Variants in KCNC2 observed in about 807,000 individuals in gnomAD.
KCNC2 encodes the protein potassium voltage-gated channel subfamily C member 2, also known as voltage-gated potassium channel KCNC2.
KCNC2 carries 21 observed loss-of-function variants against 44.5 expected under a neutral mutation model. The ratio of observed to expected loss-of-function variants is 0.47; its 90% CI spans 0.33 to 0.68. KCNC2 has a LOEUF of 0.68. KCNC2 is among the 30% of genes least tolerant of loss of function. KCNC2 has a pLI of 0.01. For missense variants in KCNC2, 589 were observed against 826.2 expected, an observed-to-expected ratio of 0.71 and a Z score of 3.52; for synonymous variants, 391 against 339.1, an observed-to-expected ratio of 1.15 and a Z score of -1.68.
At chr12:75,045,795 A>C (rs556342036) in intron 4 of KCNC2, among the ~76,000 whole-genome samples, 32 of 151,906 alleles carry the variant, frequency 2.1e-4, no homozygotes, top group African/African-American at 7.7e-4. Context: ...GTGAATCCTT[A>C]AAGTTTTCTT....
chr12:75,145,674 G>A (rs1179966362), intron 2 of KCNC2, among the ~76,000 whole-genome samples: 1 of 152,036 alleles, frequency 6.6e-6, no homozygotes, highest in Non-Finnish European at 1.5e-5. Context: ...CAGTGTCAAG[G>A]ATAGTAGAAA....
chr12:75,048,639 C>T (rs1159293930), intron 3 of KCNC2, among the ~76,000 whole-genome samples: 1 of 152,062 alleles, frequency 6.6e-6, no homozygotes, highest in African/African-American at 2.4e-5. Flanking sequence ...TATTGTCTTA[C>T]AATTTTTGAC....
At chr12:75,048,371 A>C in intron 3 of KCNC2, 54 bp from the exon 4 acceptor site, 1 of 1,475,576 alleles carries the variant, frequency 6.8e-7, no homozygotes, top group South Asian at 1.3e-5. Context: ...GAAATGAGAC[A>C]GTACAAAGAG....
In KCNC2 at chr12:75,041,329, T is replaced by C. The variant is rs1879879156; in HGVS notation, c.*1776A>G. 3 of 1,488,796 alleles carry C rather than the reference T, an allele frequency of 2.0e-6. No individual in the cohort carries two copies. The highest frequency in any genetic ancestry group is 2.7e-6 in the Non-Finnish European group (3 of 1,121,642). 92.2% of individuals were successfully genotyped at this position (1,488,796 alleles called of 1,614,324 possible). Reference sequence around the variant, plus strand: ...TCACTGTGTCTCTAAATATCATATATGTATGTCTGGATAAATACATTGCTG... The same window carrying C: ...TCACTGTGTCTCTAAATATCATATACGTATGTCTGGATAAATACATTGCTG... On this transcript the variant is annotated 3_prime_UTR_variant, in exon 5 of 5. Transcript: ENST00000549446.
chr12:75,124,335 G>C (rs968737313), intron 2 of KCNC2, among the ~76,000 whole-genome samples: 1 of 152,280 alleles, frequency 6.6e-6, no homozygotes, highest in African/African-American at 2.4e-5. Flanking sequence ...CAGCTAACCA[G>C]CTGTTTAATA....
At chr12:75,143,603 C>G (rs1275213586) in intron 2 of KCNC2, among the ~76,000 whole-genome samples, 2 of 152,132 alleles carry the variant, frequency 1.3e-5, no homozygotes, top group African/African-American at 4.8e-5. Context: ...CTTGAGCTCT[C>G]CTTAACATTC....
At chr12:75,141,742 G>A (rs1160923880) in intron 2 of KCNC2, among the ~76,000 whole-genome samples, 1 of 152,148 alleles carries the variant, frequency 6.6e-6, no homozygotes, top group African/African-American at 2.4e-5. Flanking sequence ...GTGGTCCTGA[G>A]ACTGGGTTGA....
intron 2 of KCNC2, among the ~76,000 whole-genome samples, chr12:75,194,792 A>G (rs745691103): frequency 3.9e-5 from 6 of 152,212 alleles, no homozygotes; most frequent in Non-Finnish European, 5.9e-5. Context: ...CTGAAGAACC[A>G]TTCTATGGAA....
intron 2 of KCNC2, among the ~76,000 whole-genome samples, chr12:75,115,078 T>C (rs1390240357): frequency 6.6e-6 from 1 of 152,040 alleles, no homozygotes; most frequent in Non-Finnish European, 1.5e-5. Context: ...TTAGCCAGGA[T>C]GGTCTCGATC....
Position 75,042,251 on chromosome 12 carries a change from T to A in KCNC2, c.*854A>T. 6.9e-6 allele frequency: 11 copies of A among 1,595,192 alleles called. No individual in the cohort carries two copies. The highest frequency in any genetic ancestry group is 9.4e-6 in the Non-Finnish European group (11 of 1,172,392). ...CTAGAACCAAGCAGCAATTTCTGGC[T>A]AAACAATGCAAGCCTGGCTGGCAGT... On this transcript the variant is annotated 3_prime_UTR_variant, in exon 5 of 5. Coordinates refer to ENST00000549446, the MANE Select transcript of KCNC2 (RefSeq NM_139137.4).
At chr12:75,174,248 A>AT (rs1565663008) in intron 2 of KCNC2, among the ~76,000 whole-genome samples, 1 of 150,780 alleles carries the variant, frequency 6.6e-6, no homozygotes, top group Non-Finnish European at 1.5e-5. Flanking sequence ...TAAGTTTGTT[A>AT]TTTTTTTAAA....
chr12:75,081,195 A>G (rs1884471141), intron 2 of KCNC2, among the ~76,000 whole-genome samples: 1 of 152,094 alleles, frequency 6.6e-6, no homozygotes, highest in South Asian at 2.1e-4. Context: ...TTGGAACATT[A>G]TTCAAACTGA....
At chr12:75,198,708 C>T (rs1333649665) in intron 2 of KCNC2, among the ~76,000 whole-genome samples, 1 of 151,782 alleles carries the variant, frequency 6.6e-6, no homozygotes, top group Non-Finnish European at 1.5e-5. Flanking sequence ...TAGCAAATAG[C>T]ATTTAATCCT....
chr12:75,046,477 A>G (rs78405889), intron 4 of KCNC2, among the ~76,000 whole-genome samples: 1,556 of 151,924 alleles, frequency 0.01, 20 homozygotes, highest in African/African-American at 0.035. Context: ...TATAAATATT[A>G]CATGTGATAA....
Position 75,069,493 on chromosome 12 carries a change from T to G in KCNC2, c.688-18176A>C, listed in dbSNP as rs562239215. ...TTTCATCTCAAACATAGCATGCTGC[T>G]TCCATTGATTCATTCCGGCAGACTA... On this transcript the variant is annotated intron_variant, in intron 2 of 4. Coordinates refer to ENST00000549446, the MANE Select transcript of KCNC2 (RefSeq NM_139137.4). 1.1e-4 allele frequency among the ~76,000 whole-genome samples: 16 copies of G among 152,260 alleles called. 1 individual carries two copies. The South Asian group carries it at 2.9e-3, about 28-fold the overall frequency.
At chr12:75,110,934 T>A (rs1024102534) in intron 2 of KCNC2, among the ~76,000 whole-genome samples, 1 of 152,144 alleles carries the variant, frequency 6.6e-6, no homozygotes, top group Admixed American at 6.6e-5. Flanking sequence ...AATTTATGCA[T>A]CTTAAAAATA....
chr12:75,090,304 T>A (rs917225419), intron 2 of KCNC2, among the ~76,000 whole-genome samples: 2 of 151,674 alleles, frequency 1.3e-5, no homozygotes, highest in African/African-American at 2.4e-5. Context: ...CAAAATCATA[T>A]TTTTTTACTT....
At chr12:75,164,485 A>G (rs1377480867) in intron 2 of KCNC2, among the ~76,000 whole-genome samples, 1 of 151,640 alleles carries the variant, frequency 6.6e-6, no homozygotes, top group Non-Finnish European at 1.5e-5. Context: ...GAAAACATTC[A>G]TATTTCTGAT....
At chr12:75,055,784 C>T (rs2136964975) in intron 2 of KCNC2, among the ~76,000 whole-genome samples, 1 of 152,090 alleles carries the variant, frequency 6.6e-6, no homozygotes, top group African/African-American at 2.4e-5. Flanking sequence ...AGTCCAGGAT[C>T]TCCATGGAGG....
Sources: allele counts gnomAD v4.1 joint callset (sites outside exome capture counted in the v4.1 genomes callset), GRCh38; gene constraint gnomAD v4.1.1; transcripts MANE v1.5; gene names NCBI Gene and HGNC (gene_info 2026-07-23, HGNC 2026-07-21).